The following TANGO6 variants were observed in gnomAD, a reference collection of about 807,000 sequenced individuals.
TANGO6 encodes transport and golgi organization 6 homolog.
In TANGO6, 90 loss-of-function variants were observed where a neutral mutation model predicts 114.2. The ratio of observed to expected loss-of-function variants is 0.79; its 90% CI spans 0.66 to 0.94. The LOEUF (loss-of-function observed/expected upper bound fraction) is 0.94. Among genes scored for constraint, TANGO6 ranks in the 40% least tolerant of loss-of-function variants. The pLI, the probability that TANGO6 is intolerant of heterozygous loss-of-function variation, is 0.00. For missense variants in TANGO6, 1,274 were observed against 1,315.3 expected, an observed-to-expected ratio of 0.97 and a Z score of 0.49; for synonymous variants, 477 against 509.8, an observed-to-expected ratio of 0.94 and a Z score of 0.87.
chr16:68,948,787 A>G (rs1180043017), intron 14 of TANGO6, among the ~76,000 whole-genome samples: 1 of 152,196 alleles, frequency 6.6e-6, no homozygotes, highest in Non-Finnish European at 1.5e-5. Flanking sequence ...GTGAGTACGT[A>G]TTACCTCACA....
At chr16:68,874,143 TGA>T (rs1962321379) in intron 4 of TANGO6, among the ~76,000 whole-genome samples, 2 of 152,236 alleles carry the variant, frequency 1.3e-5, no homozygotes, top group South Asian at 4.1e-4. Context: ...ACCAAAGACC[TGA>T]GAGAGGACCC....
At chr16:68,888,165 G>A (rs771992719) in intron 7 of TANGO6, among the ~76,000 whole-genome samples, 1 of 152,098 alleles carries the variant, frequency 6.6e-6, no homozygotes, top group African/African-American at 2.4e-5. Context: ...CTTCTATCTG[G>A]TAAAATTATC....
chr16:69,044,747 T>A (rs1959823917), intron 17 of TANGO6, among the ~76,000 whole-genome samples: 1 of 152,162 alleles, frequency 6.6e-6, no homozygotes, highest in Admixed American at 6.6e-5. Flanking sequence ...GCAGGGTGTG[T>A]TGGCACATGC....
At position 68,974,039 on chromosome 16, in the gene TANGO6, C is replaced by T. The variant is rs753877442; in HGVS notation, c.2713C>T (p.Leu905=). 1 of 1,608,066 alleles carries T rather than the reference C, an allele frequency of 6.2e-7. No homozygotes were observed. Among genetic ancestry groups the T allele is most frequent in the South Asian group, 1.1e-5 (1 of 89,970 alleles). The change falls in exon 15 of 18, where the codon CTG becomes TTG. Residue 905 remains leucine (L), a synonymous_variant. Coordinates refer to ENST00000261778, the MANE Select transcript of TANGO6 (RefSeq NM_024562.2). ...YLSAIQGVAL[L]SDVYPEKILP... Reference sequence around the variant, plus strand: ...GTTTTCAACCCCAGGGGTTGCCCTGCTGTCAGACGTCTATCCTGAGAAAAT... The same window carrying T: ...GTTTTCAACCCCAGGGGTTGCCCTGTTGTCAGACGTCTATCCTGAGAAAAT...
intron 14 of TANGO6, among the ~76,000 whole-genome samples, chr16:68,956,447 C>A (rs538962297): frequency 6.6e-6 from 1 of 152,138 alleles, no homozygotes; most frequent in Non-Finnish European, 1.5e-5. Context: ...AGCTTAGACC[C>A]GCTAAGGAAT....
chr16:68,969,536 G>T (rs1176452417), intron 14 of TANGO6, among the ~76,000 whole-genome samples: 3 of 152,108 alleles, frequency 2.0e-5, no homozygotes, highest in African/African-American at 7.2e-5. Context: ...GCAGCCGTCT[G>T]TGGAACAGGC....
chr16:68,859,197 G>T (rs184407056), intron 1 of TANGO6, among the ~76,000 whole-genome samples: 2 of 152,104 alleles, frequency 1.3e-5, no homozygotes, highest in Non-Finnish European at 2.9e-5. Context: ...TTGAGACTGG[G>T]TCTTGCTCTG....
At chr16:68,928,298 ATTTTTT>A (rs10701295) in intron 13 of TANGO6, among the ~76,000 whole-genome samples, 1 of 98,568 alleles carries the variant, frequency 1.0e-5, no homozygotes, top group Admixed American at 1.3e-4. Flanking sequence ...CTGAGTGCCA[ATTTTTT>A]TTTTTTTTTT....
intron 14 of TANGO6, among the ~76,000 whole-genome samples, chr16:68,931,663 G>T (rs1459028377): frequency 1.3e-5 from 2 of 152,294 alleles, no homozygotes; most frequent in Non-Finnish European, 1.5e-5. Context: ...TATTTTATAT[G>T]ATTCCAGTTA....
At chr16:69,049,461 C>T (rs887843369) in intron 17 of TANGO6, among the ~76,000 whole-genome samples, 5 of 148,346 alleles carry the variant, frequency 3.4e-5, no homozygotes, top group African/African-American at 7.5e-5. Flanking sequence ...GACGAAGTTT[C>T]GCTCTTGTCC....
chr16:68,970,616 G>A (rs1234056736), intron 14 of TANGO6, among the ~76,000 whole-genome samples: 1 of 145,506 alleles, frequency 6.9e-6, no homozygotes, highest in Non-Finnish European at 1.5e-5. Context: ...GCAGTGAGCT[G>A]AGATCACGCC....
rs57953112 is a variant in TANGO6, at chr16:69,024,999, T to C, written c.2994+2020T>C. On this transcript the variant is annotated intron_variant, in intron 16 of 17. Coordinates refer to ENST00000261778, the MANE Select transcript of TANGO6 (RefSeq NM_024562.2). ...AGTTTTGTATTTTTAGTAGAGACAG[T>C]GTTTCATCATGTTGGCCAGGCTGGT... is the stretch of plus-strand genomic sequence containing the variant. Among the ~76,000 whole-genome samples, 387 of 151,894 alleles carry C rather than the reference T, an allele frequency of 2.5e-3. 16 individuals carry two copies. The East Asian group carries it at 0.063, about 25-fold the overall frequency.
chr16:68,936,754 A>T (rs1963302793), intron 14 of TANGO6, among the ~76,000 whole-genome samples: 1 of 152,046 alleles, frequency 6.6e-6, no homozygotes, highest in African/African-American at 2.4e-5. Flanking sequence ...GGTCCCTCTC[A>T]GTGTCAAAAG....
At chr16:68,854,850 A>G (rs1412370921) in intron 1 of TANGO6, among the ~76,000 whole-genome samples, 1 of 152,072 alleles carries the variant, frequency 6.6e-6, no homozygotes, top group East Asian at 1.9e-4. Context: ...GTTGGGTAGT[A>G]TAAGTTCTCT....
chr16:68,885,150 T>G (rs563852576), intron 7 of TANGO6, among the ~76,000 whole-genome samples: 1 of 152,284 alleles, frequency 6.6e-6, no homozygotes, highest in Admixed American at 6.5e-5. Flanking sequence ...AAGGAAAATA[T>G]CGGGGATGGG....
At position 68,858,060 on chromosome 16, in the gene TANGO6, G is replaced by A. The variant is rs536823063; in HGVS notation, c.95-1824G>A. On this transcript the variant is annotated intron_variant, in intron 1 of 17. Transcript: ENST00000261778. ...ATCTAGGCCTGAAATTTTATCTCTC[G>A]GAAGATTTTTTTTTTTTTTTTGAAA... Among the ~76,000 whole-genome samples, 265 of 149,858 alleles carry A rather than the reference G, an allele frequency of 1.8e-3. 3 individuals are homozygous for A. Among genetic ancestry groups the A allele is most frequent in the Non-Finnish European group, 8.2e-4 (55 of 67,482 alleles).
At chr16:69,044,291 G>A (rs1256604354) in intron 17 of TANGO6, among the ~76,000 whole-genome samples, 3 of 152,104 alleles carry the variant, frequency 2.0e-5, no homozygotes, top group Admixed American at 6.6e-5. Flanking sequence ...TCTCGAACTC[G>A]TGACCTCAAC....
chr16:68,953,883 G>A (rs1401672138), intron 14 of TANGO6, among the ~76,000 whole-genome samples: 1 of 152,076 alleles, frequency 6.6e-6, no homozygotes, highest in Non-Finnish European at 1.5e-5. Flanking sequence ...TTCCCTGACA[G>A]CAAGGGAACG....
chr16:68,885,169 T>C (rs1484574474), intron 7 of TANGO6, among the ~76,000 whole-genome samples: 1 of 152,216 alleles, frequency 6.6e-6, no homozygotes, highest in Non-Finnish European at 1.5e-5. Context: ...GGTAAATTGA[T>C]CCAGCTGCTC....
Sources: gnomAD v4.1 joint callset for allele counts (sites outside exome capture counted in the v4.1 genomes callset) on GRCh38, gnomAD v4.1.1 for gene constraint, MANE v1.5 for transcripts, NCBI Gene and HGNC (gene_info 2026-07-23, HGNC 2026-07-21) for gene names.